DCBLD2: variants seen among roughly 807,000 people sequenced by gnomAD.
The protein encoded by DCBLD2 is discoidin, CUB and LCCL domain-containing protein 2.
In DCBLD2, 54 loss-of-function variants were observed where a neutral mutation model predicts 86.8. The ratio of observed to expected loss-of-function variants is 0.62; its 90% CI spans 0.50 to 0.78. DCBLD2 has a LOEUF of 0.78. Ranked by LOEUF, DCBLD2 falls within the 30% of genes least tolerant of loss-of-function variation. The probability of loss-of-function intolerance (pLI) is 0.00; values close to 1 mark genes in which losing one functional copy is unlikely to be tolerated. For synonymous variants in DCBLD2, 354 were observed against 341.3 expected (o/e 1.04, Z -0.41); for missense variants, 908 against 954.2 (o/e 0.95, Z 0.64).
intron 2 of DCBLD2, among the ~76,000 whole-genome samples, chr3:98,874,909 A>G (rs1036237923): frequency 6.6e-6 from 1 of 152,144 alleles, no homozygotes; most frequent in Non-Finnish European, 1.5e-5. Context: ...AACTCTGAGA[A>G]AGTAAACTGC....
chr3:98,806,353 T>C (rs1941838820), intron 13 of DCBLD2, among the ~76,000 whole-genome samples: 1 of 152,234 alleles, frequency 6.6e-6, no homozygotes, highest in African/African-American at 2.4e-5. Context: ...TTCAATTTTC[T>C]ATAAAAATTA....
chr3:98,878,514 A>T (rs895398251), intron 2 of DCBLD2, among the ~76,000 whole-genome samples: 3 of 152,238 alleles, frequency 2.0e-5, no homozygotes, highest in Admixed American at 6.5e-5. Flanking sequence ...AAAAAGATTC[A>T]GTGACATTAT....
At chr3:98,847,189 TCTG>T (rs1306539201) in intron 3 of DCBLD2, among the ~76,000 whole-genome samples, 1 of 152,162 alleles carries the variant, frequency 6.6e-6, no homozygotes, top group Non-Finnish European at 1.5e-5. Flanking sequence ...ATTGTATGTG[TCTG>T]CTATGTCATG....
chr3:98,863,367 A>G (rs971504537), intron 2 of DCBLD2, among the ~76,000 whole-genome samples: 1 of 152,216 alleles, frequency 6.6e-6, no homozygotes, highest in Admixed American at 6.5e-5. Flanking sequence ...AAACTACTTT[A>G]AAGTTCATAT....
chr3:98,882,676 G>A (rs150233732), intron 1 of DCBLD2, among the ~76,000 whole-genome samples: 6,342 of 152,186 alleles, frequency 0.042, 210 homozygotes, highest in Admixed American at 0.065. Context: ...GTGGTGTTTG[G>A]TTTTCTGTCC....
chr3:98,845,710 G>A (rs1942708704), intron 3 of DCBLD2, among the ~76,000 whole-genome samples: 1 of 152,074 alleles, frequency 6.6e-6, no homozygotes, highest in African/African-American at 2.4e-5. Flanking sequence ...TTTCTGTAAG[G>A]TTCAGAATAA....
At chr3:98,867,661 T>C (rs552014728) in intron 2 of DCBLD2, among the ~76,000 whole-genome samples, 1 of 152,308 alleles carries the variant, frequency 6.6e-6, no homozygotes, top group South Asian at 2.1e-4. Flanking sequence ...AAAATCCTCA[T>C]GGTCACTGTA....
chr3:98,876,386 GGC>G (rs1170575594), intron 2 of DCBLD2, among the ~76,000 whole-genome samples: 1 of 47,422 alleles, frequency 2.1e-5, no homozygotes, highest in African/African-American at 7.9e-5. Flanking sequence ...CAGAAAAACG[GGC>G]AAAAGACAGG....
At chr3:98,818,025 C>T in intron 8 of DCBLD2, 132 bp from the exon 9 acceptor site, 1 of 1,162,870 alleles carries the variant, frequency 8.6e-7, no homozygotes, top group Non-Finnish European at 1.2e-6. Flanking sequence ...TATCCAAGTG[C>T]ACGTTTTTGT....
In DCBLD2 at chr3:98,885,492, A is replaced by G. The variant is rs149208049; in HGVS notation, c.206-3725T>C. ...ACTCTCGCATGCACGCTCATGACCC[A>G]CTAAAGTATTTCATGACCCCCTAAT... On this transcript the variant is annotated intron_variant, in intron 1 of 15. Transcript: ENST00000326840. Among the ~76,000 whole-genome samples, 814 of 152,066 alleles carry G rather than the reference A, an allele frequency of 5.4e-3. 7 individuals are homozygous for G. The highest frequency in any genetic ancestry group is 0.019 in the African/African-American group (771 of 41,492).
chr3:98,818,722 C>T (rs1942066569), intron 8 of DCBLD2, among the ~76,000 whole-genome samples: 1 of 152,206 alleles, frequency 6.6e-6, no homozygotes, highest in African/African-American at 2.4e-5. Flanking sequence ...GCTTAAGTCT[C>T]CCAGCCTACA....
At chr3:98,831,233 G>A (rs1282200825) in intron 3 of DCBLD2, among the ~76,000 whole-genome samples, 1 of 146,166 alleles carries the variant, frequency 6.8e-6, no homozygotes, top group Non-Finnish European at 1.5e-5. Context: ...GGTATTTTTA[G>A]TAGAGACGAG....
rs954006630 is a variant in DCBLD2, at chr3:98,801,774, C to G, written c.1671-125G>C. On this transcript the variant is annotated intron_variant, in intron 13 of 15. Coordinates refer to ENST00000326840, the MANE Select transcript of DCBLD2 (RefSeq NM_080927.4). ...CCTGTGTCCAAGTGTTCTCATTGTT[C>G]AATTCCCACCTATGAGTGAGAACAT... is the stretch of plus-strand genomic sequence containing the variant. 13 of 625,976 alleles carry G rather than the reference C, an allele frequency of 2.1e-5. No homozygotes were observed. The African/African-American group carries it at 2.2e-4, about 11-fold the overall frequency. The allele number at this position is 625,976 out of a possible 1,614,324, so 38.8% of individuals were successfully genotyped here.
intron 13 of DCBLD2, chr3:98,802,002 G>A (rs557192190): frequency 8.8e-5 from 16 of 182,182 alleles, no homozygotes; most frequent in Non-Finnish European, 1.5e-4. Flanking sequence ...TTTGAATAGT[G>A]CTGCAATGAA....
Position 98,870,749 on chromosome 3 carries a change from G to GA in DCBLD2, c.433+10790dup, listed in dbSNP as rs61266127. ...AAGAAAAGAAAGAAAAAGAAAGAAAGAAAGAAAGAAAGAAAGAAAGAAAGA... is the reference window on the plus strand; with the variant it reads ...AAGAAAAGAAAGAAAAAGAAAGAAAGAAAAGAAAGAAAGAAAGAAAGAAAGA... On this transcript the variant is annotated intron_variant, in intron 2 of 15. Coordinates refer to ENST00000326840, the MANE Select transcript of DCBLD2 (RefSeq NM_080927.4). Among the ~76,000 whole-genome samples the GA allele has an allele frequency of 1.7e-4, 19 of 111,274 alleles. 1 individual carries two copies. Among genetic ancestry groups the GA allele is most frequent in the East Asian group, 8.9e-4 (3 of 3,370 alleles). The allele number at this position is 111,274 out of a possible 152,430, so 73.0% of individuals were successfully genotyped here. A position where few individuals can be genotyped will look rare whatever the true frequency, so the allele number is the denominator to read the frequency against.
At chr3:98,899,416 T>C (rs978480569) in intron 1 of DCBLD2, among the ~76,000 whole-genome samples, 1 of 152,044 alleles carries the variant, frequency 6.6e-6, no homozygotes, top group African/African-American at 2.4e-5. Flanking sequence ...CATGCCCGGC[T>C]AATTTTTTGT....
At chr3:98,872,862 T>TA (rs1296879607) in intron 2 of DCBLD2, among the ~76,000 whole-genome samples, 2 of 152,190 alleles carry the variant, frequency 1.3e-5, no homozygotes, top group Non-Finnish European at 2.9e-5. Context: ...ATGGAAGAGT[T>TA]AAAATGTATC....
intron 1 of DCBLD2, among the ~76,000 whole-genome samples, chr3:98,890,826 T>C (rs1483668988): frequency 6.6e-6 from 1 of 152,076 alleles, no homozygotes; most frequent in African/African-American, 2.4e-5. Context: ...CCCCACTCTG[T>C]ATTCTATGTG....
Position 98,864,036 on chromosome 3 carries a change from G to A in DCBLD2, c.434-14438C>T, listed in dbSNP as rs143950294. ...GAAAAAAACAACCCCATCAACAAGT[G>A]GGCGAACGATATGAACAGACACTTC... On this transcript the variant is annotated intron_variant, in intron 2 of 15. Transcript: ENST00000326840. Among the ~76,000 whole-genome samples, 13 of 152,260 alleles carry A rather than the reference G, an allele frequency of 8.5e-5. No homozygotes were observed. In the East Asian group the frequency reaches 2.5e-3, roughly 29 times the overall value.
Sources: gnomAD v4.1 joint callset for allele counts (sites outside exome capture counted in the v4.1 genomes callset) on GRCh38, gnomAD v4.1.1 for gene constraint, MANE v1.5 for transcripts, NCBI Gene and HGNC (gene_info 2026-07-23, HGNC 2026-07-21) for gene names.